SKIL: variants seen among roughly 807,000 people sequenced by gnomAD.
SKIL encodes ski-like protein.
In SKIL, 20 loss-of-function variants were observed where a neutral mutation model predicts 69.6. The ratio of observed to expected loss-of-function variants is 0.29; its 90% CI spans 0.20 to 0.42. SKIL has a LOEUF of 0.42. Ranked by LOEUF, SKIL falls within the 10% of genes least tolerant of loss-of-function variation. The pLI, the probability that SKIL is intolerant of heterozygous loss-of-function variation, is 1.00. For missense variants in SKIL, 745 were observed against 783.1 expected (o/e 0.95, Z 0.58); for synonymous variants, 310 against 279.9 (o/e 1.11, Z -1.08).
Position 170,360,927 on chromosome 3 carries a change from C to T in SKIL, c.596C>T (p.Ser199Leu). The change falls in exon 2 of 7, where the codon TCA becomes TTA. Residue 199 changes from serine (S) to leucine (L), a missense_variant. Ser to Leu is a moderately radical substitution (Grantham distance 145). Transcript: ENST00000259119. Reference sequence around the variant, plus strand: ...TACATATATTGTTCAAGGTGTACTTCAGACCAGCTTCATATCTTAAAGGTA... The same window carrying T: ...TACATATATTGTTCAAGGTGTACTTTAGACCAGCTTCATATCTTAAAGGTA... ...ELYIYCSRCT[S>L]DQLHILKVLG... 1 of 1,614,184 alleles carries T rather than the reference C, an allele frequency of 6.2e-7. No homozygotes were observed. Among genetic ancestry groups the T allele is most frequent in the Non-Finnish European group, 8.5e-7 (1 of 1,180,030 alleles).
At position 170,360,286 on chromosome 3, in the gene SKIL, T is replaced by TA. The variant is rs761280453; in HGVS notation, c.-45dup. The TA allele has an allele frequency of 6.0e-6, 9 of 1,496,074 alleles. No individual in the cohort carries two copies. The highest frequency in any genetic ancestry group is 8.0e-6 in the Non-Finnish European group (9 of 1,120,166). 92.7% of individuals were successfully genotyped at this position (1,496,074 alleles called of 1,614,324 possible). ...TCCTCTTTTCAAATAAGCAACTAAA[T>TA]AGAAATGCTAATCTCAGACTTAATT... On this transcript the variant is annotated 5_prime_UTR_variant, in exon 2 of 7. Coordinates refer to ENST00000259119, the MANE Select transcript of SKIL (RefSeq NM_005414.5).
intron 2 of SKIL, among the ~76,000 whole-genome samples, chr3:170,373,847 T>C (rs1385594207): frequency 6.6e-6 from 1 of 152,064 alleles, no homozygotes; most frequent in East Asian, 1.9e-4. Context: ...GCTATAATTA[T>C]ACCACTGTTC....
chr3:170,369,645 G>A (rs184651101), intron 2 of SKIL, among the ~76,000 whole-genome samples: 285 of 152,120 alleles, frequency 1.9e-3, no homozygotes, highest in African/African-American at 6.6e-3. Flanking sequence ...CAGGTGATCT[G>A]CCTGTCTCAG....
At chr3:170,358,287 G>T (rs955409461) in intron 1 of SKIL, among the ~76,000 whole-genome samples, 2 of 151,950 alleles carry the variant, frequency 1.3e-5, no homozygotes, top group Admixed American at 1.3e-4. Context: ...TGCGCGGGGG[G>T]GTGGATTTCC....
Position 170,360,237 on chromosome 3 carries a change from G to T in SKIL, c.-95G>T. On this transcript the variant is annotated 5_prime_UTR_variant, in exon 2 of 7. It adds an upstream start codon to the 5' untranslated region. Coordinates refer to ENST00000259119, the MANE Select transcript of SKIL (RefSeq NM_005414.5). ...GAAAGTTTGAGAGTAAGTTACGATA[G>T]GCATTTGTATCCATTCATTACTTTC... The T allele has an allele frequency of 1.7e-6, 2 of 1,189,820 alleles. No homozygotes were observed. Among genetic ancestry groups the T allele is most frequent in the Non-Finnish European group, 2.3e-6 (2 of 857,784 alleles). 73.7% of individuals were successfully genotyped at this position (1,189,820 alleles called of 1,614,324 possible). A position where few individuals can be genotyped will look rare whatever the true frequency, so the allele number is the denominator to read the frequency against.
intron 2 of SKIL, among the ~76,000 whole-genome samples, chr3:170,375,394 T>G (rs1224272031): frequency 2.0e-5 from 3 of 152,200 alleles, no homozygotes; most frequent in Non-Finnish European, 4.4e-5. Context: ...AAGATAAAAC[T>G]TACTCTTATA....
Position 170,360,138 on chromosome 3 carries a change from G to C in SKIL, c.-194G>C, listed in dbSNP as rs1039275521. 78 of 497,870 alleles carry C rather than the reference G, an allele frequency of 1.6e-4. No homozygotes were observed. Among genetic ancestry groups the C allele is most frequent in the Middle Eastern group, 1.0e-3 (2 of 1,912 alleles). The allele number at this position is 497,870 out of a possible 1,614,324, so 30.8% of individuals were successfully genotyped here. ...AACGAACAATTTTATAGGATTTGTAGTGAAATTATACCAGATTATAAGGAG... is the reference window on the plus strand; with the variant it reads ...AACGAACAATTTTATAGGATTTGTACTGAAATTATACCAGATTATAAGGAG... On this transcript the variant is annotated 5_prime_UTR_variant, in exon 2 of 7. Coordinates refer to ENST00000259119, the MANE Select transcript of SKIL (RefSeq NM_005414.5).
intron 6 of SKIL, 45 bp from the exon 7 acceptor site, chr3:170,392,213 GA>G (rs777177847): frequency 6.7e-7 from 1 of 1,489,394 alleles, no homozygotes. Context: ...GGATTAAATG[GA>G]AAAACAAAAC....
intron 4 of SKIL, among the ~76,000 whole-genome samples, chr3:170,389,523 C>A (rs1343422937): frequency 6.6e-6 from 1 of 151,430 alleles, no homozygotes; most frequent in Non-Finnish European, 1.5e-5. Flanking sequence ...ACCATGTTAG[C>A]CAGGATGGTC....
At chr3:170,378,480 T>C (rs1737147053) in intron 2 of SKIL, among the ~76,000 whole-genome samples, 1 of 151,854 alleles carries the variant, frequency 6.6e-6, no homozygotes. Context: ...AACTGGAATA[T>C]TGGGACATCA....
At position 170,392,302 on chromosome 3, in the gene SKIL, G is replaced by A; in HGVS notation, c.1940G>A (p.Arg647Lys). The A allele has an allele frequency of 1.2e-6, 2 of 1,613,510 alleles. No individual in the cohort carries two copies. The highest frequency in any genetic ancestry group is 1.7e-6 in the Non-Finnish European group (2 of 1,179,622). The change falls in exon 7 of 7, where the codon AGG becomes AAG. Residue 647 changes from arginine to lysine, a missense_variant. Transcript: ENST00000259119. Reference sequence around the variant, plus strand: ...AGATTGGACCATGCTGAGGCCGATAGGCAAGAACTCCAAGATGAACTCAGA... The same window carrying A: ...AGATTGGACCATGCTGAGGCCGATAAGCAAGAACTCCAAGATGAACTCAGA... ...RQRLDHAEAD[R>K]QELQDELRQE...
chr3:170,383,229 G>A (rs1737451350), intron 3 of SKIL, among the ~76,000 whole-genome samples: 1 of 152,024 alleles, frequency 6.6e-6, no homozygotes, highest in South Asian at 2.1e-4. Flanking sequence ...ATTTACATTT[G>A]TACAATCACT....
chr3:170,375,983 T>C (rs1444265860), intron 2 of SKIL, among the ~76,000 whole-genome samples: 2 of 152,154 alleles, frequency 1.3e-5, no homozygotes, highest in African/African-American at 4.8e-5. Context: ...GGAGCTTTCT[T>C]TGTTTTTTAA....
chr3:170,387,351 A>C (rs1441655406), intron 4 of SKIL, among the ~76,000 whole-genome samples: 1 of 152,102 alleles, frequency 6.6e-6, no homozygotes, highest in East Asian at 1.9e-4. Flanking sequence ...CCCTTTCTCG[A>C]AGCCTCTGGC....
At position 170,392,655 on chromosome 3, in the gene SKIL, C is replaced by G. The variant is rs145028274; in HGVS notation, c.*238C>G. 7.1e-5 allele frequency: 19 copies of G among 268,962 alleles called. No homozygotes were observed. The highest frequency in any genetic ancestry group is 2.2e-3 in the Middle Eastern group (2 of 918). 16.7% of individuals were successfully genotyped at this position (268,962 alleles called of 1,614,324 possible). A position where few individuals can be genotyped will look rare whatever the true frequency, so the allele number is the denominator to read the frequency against. The stretch of plus-strand genomic sequence containing the variant: ...TAAAAAAATCAGCTTAGTAACAATA[C>G]TATATGGTTTCAACTAGTAGGTAAT... On this transcript the variant is annotated 3_prime_UTR_variant, in exon 7 of 7. Coordinates refer to ENST00000259119, the MANE Select transcript of SKIL (RefSeq NM_005414.5).
chr3:170,392,534 C>A lies in SKIL; in HGVS notation c.*117C>A. 1.8e-6 allele frequency: 1 copy of A among 564,194 alleles called. No individual in the cohort carries two copies. 34.9% of individuals were successfully genotyped at this position (564,194 alleles called of 1,614,324 possible). On this transcript the variant is annotated 3_prime_UTR_variant, in exon 7 of 7. Coordinates refer to ENST00000259119, the MANE Select transcript of SKIL (RefSeq NM_005414.5). ...CATGACGATAACTAGGCATTCTATC[C>A]ATTTGTAGATCAGAGAAAGTGAAGA...
chr3:170,367,139 C>T (rs930590739), intron 2 of SKIL, among the ~76,000 whole-genome samples: 4 of 152,116 alleles, frequency 2.6e-5, no homozygotes, highest in East Asian at 3.8e-4. Flanking sequence ...ACGAGAGTCT[C>T]GCTCTGTTGA....
rs1342318549 is a variant in SKIL at position 170,359,857 on chromosome 3, C to T, written c.-475C>T. ...TTAGAGGAAATACTCCCTCTGCCCT[C>T]CTTTTTGGTTTCCTTGGTGGTAAAG... On this transcript the variant is annotated 5_prime_UTR_variant, in exon 2 of 7. Transcript: ENST00000259119. The T allele has an allele frequency of 6.5e-6, 1 of 153,722 alleles. No individual in the cohort carries two copies. The highest frequency in any genetic ancestry group is 1.4e-5 in the Non-Finnish European group (1 of 69,188). 9.5% of individuals were successfully genotyped at this position (153,722 alleles called of 1,614,324 possible). A position where few individuals can be genotyped will look rare whatever the true frequency, so the allele number is the denominator to read the frequency against.
chr3:170,361,599 T>A (rs1287602428), intron 2 of SKIL, among the ~76,000 whole-genome samples, 170 bp downstream of exon 2: 1 of 152,260 alleles, frequency 6.6e-6, no homozygotes, highest in African/African-American at 2.4e-5. Context: ...TGCTTTGCAG[T>A]ATGTTTCCTC....
Sources: allele counts gnomAD v4.1 joint callset (sites outside exome capture counted in the v4.1 genomes callset), GRCh38; gene constraint gnomAD v4.1.1; transcripts MANE v1.5; gene names NCBI Gene and HGNC (gene_info 2026-07-23, HGNC 2026-07-21).